The following PGS1 variants were observed in gnomAD, a reference collection of about 807,000 sequenced individuals.
The protein encoded by PGS1 is phosphatidylglycerophosphate synthase 1, also known as CDP-diacylglycerol--glycerol-3-phosphate 3-phosphatidyltransferase, mitochondrial.
Under a neutral mutation model 58.3 loss-of-function variants are expected in PGS1, and 44 were observed. The observed-to-expected ratio is 0.75, with a 90% CI of 0.59 to 0.97. The LOEUF is 0.97. PGS1 is among the 50% of genes least tolerant of loss of function. The probability of loss-of-function intolerance (pLI) is 0.00; values close to 1 mark genes in which losing one functional copy is unlikely to be tolerated. For missense variants in PGS1, 684 were observed against 731.1 expected, an observed-to-expected ratio of 0.94 and a Z score of 0.74; for synonymous variants, 330 against 311.0, an observed-to-expected ratio of 1.06 and a Z score of -0.64.
At chr17:78,411,818 CT>C (rs1362767152) in intron 7 of PGS1, among the ~76,000 whole-genome samples, 1 of 150,908 alleles carries the variant, frequency 6.6e-6, no homozygotes, top group Non-Finnish European at 1.5e-5. Context: ...GCCTGACATC[CT>C]GACTGGTGGT....
Position 78,424,656 on chromosome 17 carries a change from C to CTCTCCATGTTTGTTTATT in PGS1, c.*607_*608insCTCCATGTTTGTTTATTT, listed in dbSNP as rs2086342118. 2 of 155,258 alleles carry CTCTCCATGTTTGTTTATT rather than the reference C, an allele frequency of 1.3e-5. No homozygotes were observed. The highest frequency in any genetic ancestry group is 4.8e-5 in the African/African-American group (2 of 41,434). 9.6% of individuals were successfully genotyped at this position (155,258 alleles called of 1,614,324 possible). A position where few individuals can be genotyped will look rare whatever the true frequency, so the allele number is the denominator to read the frequency against. On this transcript the variant is annotated 3_prime_UTR_variant, in exon 10 of 10. Transcript: ENST00000262764. ...TCTCAAAATAAACAAACATGGAGAG[C>CTCTCCATGTTTGTTTATT]TTATCTTTGGTTGTGTGGGAAATGG...
At chr17:78,379,079 A>G (rs2081845957) in intron 1 of PGS1, among the ~76,000 whole-genome samples, 2 of 152,132 alleles carry the variant, frequency 1.3e-5, no homozygotes, top group African/African-American at 4.8e-5. Flanking sequence ...CCCCGTCTAC[A>G]CCGTGCTTGT....
intron 7 of PGS1, 135 bp downstream of exon 7, chr17:78,404,224 A>G: frequency 1.1e-6 from 1 of 922,108 alleles, no homozygotes; most frequent in Non-Finnish European, 1.6e-6. Flanking sequence ...CCTTGCAGGC[A>G]CATCATAGCT....
At position 78,418,605 on chromosome 17, in the gene PGS1, G is replaced by A. The variant is rs185763393; in HGVS notation, c.1552-941G>A. ...TAAGTTGACTGTTGGACATTTAGGT[G>A]GTTTCCAGTTTTTCCTTGTTATAAA... is the stretch of plus-strand genomic sequence containing the variant. On this transcript the variant is annotated intron_variant, in intron 8 of 9. Coordinates refer to ENST00000262764, the MANE Select transcript of PGS1 (RefSeq NM_024419.5). Among the ~76,000 whole-genome samples, 24 of 152,248 alleles carry A rather than the reference G, an allele frequency of 1.6e-4. No individual in the cohort carries two copies. The East Asian group carries it at 2.9e-3, about 18-fold the overall frequency.
Position 78,400,947 on chromosome 17 carries a change from A to C in PGS1, c.880+92A>C. 3 of 1,126,320 alleles carry C rather than the reference A, an allele frequency of 2.7e-6. No homozygotes were observed. Among genetic ancestry groups the C allele is most frequent in the Non-Finnish European group, 3.7e-6 (3 of 805,778 alleles). 69.8% of individuals were successfully genotyped at this position (1,126,320 alleles called of 1,614,324 possible). A position where few individuals can be genotyped will look rare whatever the true frequency, so the allele number is the denominator to read the frequency against. On this transcript the variant is annotated intron_variant, in intron 6 of 9. Coordinates refer to ENST00000262764, the MANE Select transcript of PGS1 (RefSeq NM_024419.5). This position sits in a 1 kb window ranked among gnomAD's most constrained non-coding sequence, Gnocchi z 4.4. Reference sequence around the variant, plus strand: ...AACTCTAGGTGGTTCTGCCACAGGCATAGGGGACTTGGGTGGCAAGGCTTC... The same window carrying C: ...AACTCTAGGTGGTTCTGCCACAGGCCTAGGGGACTTGGGTGGCAAGGCTTC...
intron 2 of PGS1, among the ~76,000 whole-genome samples, chr17:78,395,345 T>TG (rs2083151024): frequency 6.6e-6 from 1 of 152,210 alleles, no homozygotes; most frequent in African/African-American, 2.4e-5. Context: ...CTTGGGAAGT[T>TG]GCTTTGTTTT....
intron 1 of PGS1, among the ~76,000 whole-genome samples, chr17:78,379,923 A>G (rs889645635): frequency 2.0e-5 from 3 of 149,070 alleles, no homozygotes; most frequent in African/African-American, 2.5e-5. Flanking sequence ...CTGGAGTGCA[A>G]TGGCGCAATC....
At chr17:78,404,515 A>G (rs1045031992) in intron 7 of PGS1, among the ~76,000 whole-genome samples, 27 of 151,984 alleles carry the variant, frequency 1.8e-4, no homozygotes, top group Non-Finnish European at 2.9e-4. Context: ...CCGGAGCTCA[A>G]GTGGTCTGCC....
intron 7 of PGS1, among the ~76,000 whole-genome samples, chr17:78,406,777 C>T (rs2084184751): frequency 6.6e-6 from 1 of 151,910 alleles, no homozygotes; most frequent in African/African-American, 2.4e-5. Flanking sequence ...CAGACCCACA[C>T]TGTCGTGTGC....
At chr17:78,418,951 TTTC>T (rs1598394796) in intron 8 of PGS1, among the ~76,000 whole-genome samples, 2 of 152,200 alleles carry the variant, frequency 1.3e-5, no homozygotes, top group East Asian at 3.8e-4. Context: ...ACCAGTTATA[TTTC>T]TTCAACTCTA....
rs564517631 is a variant in PGS1, at chr17:78,424,114, G to A, written c.*64G>A. On this transcript the variant is annotated 3_prime_UTR_variant, in exon 10 of 10. Transcript: ENST00000262764. ...GGCCGGGGTCAGCTCTTTCAGCCGC[G>A]CTTCAGCGATGACTCCAGTCTGGGT... 9.4e-5 allele frequency: 151 copies of A among 1,613,604 alleles called. 1 individual carries two copies. The highest frequency in any genetic ancestry group is 8.5e-4 in the South Asian group (77 of 91,084).
chr17:78,398,547 C>G (rs2083420371), intron 4 of PGS1, among the ~76,000 whole-genome samples, 196 bp downstream of exon 4: 1 of 152,190 alleles, frequency 6.6e-6, no homozygotes. Context: ...CTAAAAACAG[C>G]TTAGGCAGGA....
chr17:78,419,734 G>C, intron 9 of PGS1, 59 bp downstream of exon 9: 1 of 1,601,826 alleles, frequency 6.2e-7, no homozygotes, highest in Non-Finnish European at 8.5e-7. Flanking sequence ...AGGTGGGGCA[G>C]GTGGTTGTTC....
intron 1 of PGS1, among the ~76,000 whole-genome samples, chr17:78,383,678 C>G (rs538049044): frequency 2.0e-5 from 3 of 152,278 alleles, no homozygotes; most frequent in Admixed American, 2.0e-4. Flanking sequence ...ATAACCATCT[C>G]TTCGTTTGTT....
rs367558910 is a variant in PGS1 at position 78,387,813 on chromosome 17, G to A, written c.144-4663G>A. Among the ~76,000 whole-genome samples the A allele has an allele frequency of 2.5e-4, 38 of 152,032 alleles. 1 individual carries two copies. In the East Asian group the frequency reaches 5.2e-3, roughly 21 times the overall value. On this transcript the variant is annotated intron_variant, in intron 1 of 9. Transcript: ENST00000262764. ...GGGTTTCTCTATGTTGCCCAAGTTG[G>A]TCTCGATCTCCTGGCCTCAAGTGAT...
chr17:78,419,435 G>A lies in PGS1; in HGVS notation c.1552-111G>A, dbSNP rs1445132766. ...GGAATCTCTGGGCCAGGTAGACATG[G>A]GAAGTCAGGGTTTTCTGGGCTGGCC... On this transcript the variant is annotated intron_variant, in intron 8 of 9. Transcript: ENST00000262764. The A allele has an allele frequency of 1.0e-5, 9 of 904,372 alleles. No homozygotes were observed. The Admixed American group carries it at 1.2e-4, about 12-fold the overall frequency. The allele number at this position is 904,372 out of a possible 1,614,324, so 56.0% of individuals were successfully genotyped here. A position where few individuals can be genotyped will look rare whatever the true frequency, so the allele number is the denominator to read the frequency against.
At chr17:78,413,656 G>A (rs1378164504) in intron 7 of PGS1, among the ~76,000 whole-genome samples, 1 of 152,256 alleles carries the variant, frequency 6.6e-6, no homozygotes, top group Non-Finnish European at 1.5e-5. Flanking sequence ...AGCACGGAGA[G>A]AAGTCTTGAG....
chr17:78,401,548 C>T (rs2083663772), intron 6 of PGS1, among the ~76,000 whole-genome samples: 1 of 152,172 alleles, frequency 6.6e-6, no homozygotes, highest in Admixed American at 6.5e-5. Context: ...GCTGGATTTG[C>T]AGCAGTGTCT....
intron 1 of PGS1, among the ~76,000 whole-genome samples, chr17:78,381,842 C>T (rs1456292361): frequency 1.3e-5 from 2 of 152,156 alleles, no homozygotes; most frequent in Non-Finnish European, 2.9e-5. Context: ...GTCATTTCCT[C>T]TTAAGCTAGC....
Sources: allele counts gnomAD v4.1 joint callset (sites outside exome capture counted in the v4.1 genomes callset), GRCh38; gene constraint gnomAD v4.1.1; non-coding constraint Gnocchi (gnomAD v3.1); transcripts MANE v1.5; gene names NCBI Gene and HGNC (gene_info 2026-07-23, HGNC 2026-07-21).